The following AGBL1 variants were observed in gnomAD, a reference collection of about 807,000 sequenced individuals.
The protein encoded by AGBL1 is AGBL carboxypeptidase 1.
AGBL1 carries 130 observed loss-of-function variants against 118.9 expected under a neutral mutation model. The observed-to-expected ratio is 1.09, with a 90% CI of 0.95 to 1.26. The LOEUF (loss-of-function observed/expected upper bound fraction) is 1.26. Among genes scored for constraint, AGBL1 ranks in the 50% most tolerant of loss-of-function variants. The pLI is 0.00. For synonymous variants in AGBL1, 555 were observed against 478.9 expected, an observed-to-expected ratio of 1.16 and a Z score of -2.08; for missense variants, 1,584 against 1,298.1, an observed-to-expected ratio of 1.22 and a Z score of -3.38.
chr15:86,470,690 T>C (rs1260523074), intron 18 of AGBL1, among the ~76,000 whole-genome samples: 2 of 152,188 alleles, frequency 1.3e-5, no homozygotes, highest in African/African-American at 4.8e-5. Context: ...TCCCATTTAT[T>C]TGTGTCGTCT....
chr15:86,108,814 AG>A (rs1897198760), intron 1 of AGBL1, among the ~76,000 whole-genome samples: 1 of 152,070 alleles, frequency 6.6e-6, no homozygotes, highest in Non-Finnish European at 1.5e-5. Flanking sequence ...AAAATTAGCC[AG>A]GCGTGGTGGC....
intron 22 of AGBL1, among the ~76,000 whole-genome samples, chr15:86,796,061 C>T (rs1479286458): frequency 1.3e-5 from 2 of 152,062 alleles, no homozygotes; most frequent in African/African-American, 4.8e-5. Context: ...GTTTTACCAA[C>T]TCTATGAGGC....
chr15:86,490,083 C>T (rs1212184274), intron 18 of AGBL1, among the ~76,000 whole-genome samples: 1 of 152,050 alleles, frequency 6.6e-6, no homozygotes, highest in Non-Finnish European at 1.5e-5. Flanking sequence ...TAAAGTGCTT[C>T]GGAGGGCCCA....
chr15:86,375,173 C>A (rs555379283), intron 17 of AGBL1, among the ~76,000 whole-genome samples: 1 of 152,226 alleles, frequency 6.6e-6, no homozygotes, highest in East Asian at 1.9e-4. Context: ...GCTGTATTAG[C>A]CATTCTCACA....
chr15:86,769,033 C>T (rs1040209495), intron 22 of AGBL1, among the ~76,000 whole-genome samples: 2 of 151,912 alleles, frequency 1.3e-5, no homozygotes, highest in African/African-American at 4.8e-5. Flanking sequence ...CAAAAGCAGT[C>T]GCCAAAGGAG....
intron 5 of AGBL1, among the ~76,000 whole-genome samples, chr15:86,209,423 G>A (rs1203322346): frequency 2.0e-5 from 3 of 152,160 alleles, no homozygotes; most frequent in African/African-American, 7.2e-5. Flanking sequence ...GAGTGTTAAA[G>A]TCTCCCATTA....
intron 22 of AGBL1, among the ~76,000 whole-genome samples, chr15:86,741,347 T>G (rs893190414): frequency 9.2e-6 from 1 of 108,774 alleles, no homozygotes; most frequent in Non-Finnish European, 1.7e-5. Flanking sequence ...AAAGAGAATT[T>G]CCTAGCCCAA....
downstream of AGBL1, among the ~76,000 whole-genome samples, chr15:86,916,397 A>G (rs78861976): frequency 8.1e-3 from 1,237 of 152,180 alleles, 17 homozygotes; most frequent in African/African-American, 0.028. Flanking sequence ...AGGAGTTCCT[A>G]TTGATGTCCT....
chr15:86,961,791 G>A (rs1208594622), intron 23 of AGBL1, among the ~76,000 whole-genome samples: 1 of 152,066 alleles, frequency 6.6e-6, no homozygotes, highest in Non-Finnish European at 1.5e-5. Flanking sequence ...ACATTCAGGT[G>A]CATCTGCCAT....
Position 86,913,878 on chromosome 15 carries a change from CTAAAAG to C in AGBL1, c.*6589_*6594del, listed in dbSNP as rs2080385006. 2.0e-5 allele frequency: 3 copies of C among 152,118 alleles called. No homozygotes were observed. In the South Asian group the frequency reaches 6.2e-4, roughly 32 times the overall value. The allele number at this position is 152,118 out of a possible 1,614,324, so 9.4% of individuals were successfully genotyped here. A position where few individuals can be genotyped will look rare whatever the true frequency, so the allele number is the denominator to read the frequency against. On this transcript the variant is annotated 3_prime_UTR_variant, in exon 23 of 23. Transcript: ENST00000614907. ...GGCAGAGTGAGACCCTGTACTCTGT[CTAAAAG>C]TAAATAAAAAGGCTGAAGCAAAGAT... is the stretch of plus-strand genomic sequence containing the variant.
intron 3 of AGBL1, among the ~76,000 whole-genome samples, chr15:86,151,269 G>A (rs1238621046): frequency 2.0e-5 from 3 of 148,058 alleles, no homozygotes; most frequent in Non-Finnish European, 4.4e-5. Flanking sequence ...GCTGCACATT[G>A]TGCACAAGTA....
intron 21 of AGBL1, among the ~76,000 whole-genome samples, chr15:86,643,255 C>T (rs890113160): frequency 1.3e-5 from 2 of 152,150 alleles, no homozygotes; most frequent in African/African-American, 2.4e-5. Flanking sequence ...TATCTAGTCA[C>T]ATACTTTTTC....
chr15:86,763,202 A>G (rs2078050649), intron 22 of AGBL1, among the ~76,000 whole-genome samples: 1 of 152,038 alleles, frequency 6.6e-6, no homozygotes, highest in Admixed American at 6.6e-5. Context: ...ATAGATATGT[A>G]TTGACTGTAA....
intron 21 of AGBL1, among the ~76,000 whole-genome samples, chr15:86,604,165 G>A (rs1426409507): frequency 2.6e-5 from 4 of 151,908 alleles, no homozygotes; most frequent in African/African-American, 7.3e-5. Flanking sequence ...GTTTTTCTTA[G>A]GGGAGCAACA....
In AGBL1 at chr15:87,028,822, CAG is replaced by C. The variant is rs776827249; in HGVS notation, c.3324_3325del. 1 of 1,605,814 alleles carries C rather than the reference CAG, an allele frequency of 6.2e-7. No homozygotes were observed. Among genetic ancestry groups the C allele is most frequent in the East Asian group, 2.2e-5 (1 of 44,698 alleles). The stretch of plus-strand genomic sequence containing the variant: ...AATTAATATATTTCTTATTCCTTCT[CAG>C]AGTTTGTGACACTTGATGAGGCTCC... On this transcript the variant is annotated splice_acceptor_variant, in intron 24 of 24. Coordinates refer to the AGBL1 transcript ENST00000441037. LOFTEE classifies it high-confidence loss of function.
intron 22 of AGBL1, among the ~76,000 whole-genome samples, chr15:86,676,032 C>T (rs765513922): frequency 6.6e-6 from 1 of 152,150 alleles, no homozygotes; most frequent in African/African-American, 2.4e-5. Context: ...TATTTGCCTC[C>T]ACCCTTCCAC....
intron 22 of AGBL1, among the ~76,000 whole-genome samples, chr15:86,770,728 A>G (rs1163399286): frequency 2.0e-5 from 3 of 151,964 alleles, no homozygotes; most frequent in African/African-American, 7.2e-5. Context: ...GGGCTGGGGC[A>G]TGGAGCATTG....
At chr15:86,384,473 A>G (rs1457516085) in intron 17 of AGBL1, among the ~76,000 whole-genome samples, 1 of 152,170 alleles carries the variant, frequency 6.6e-6, no homozygotes, top group Non-Finnish European at 1.5e-5. Context: ...TTCTGTGTGT[A>G]GTAAATTTCT....
At chr15:86,433,263 C>CTTTTTTT (rs1292975189) in intron 18 of AGBL1, among the ~76,000 whole-genome samples, 9 of 54,932 alleles carry the variant, frequency 1.6e-4, no homozygotes, top group East Asian at 1.0e-3. Context: ...CCTCCTCCTT[C>CTTTTTTT]TTCTTTTTTT....
Sources: allele counts gnomAD v4.1 joint callset (sites outside exome capture counted in the v4.1 genomes callset), GRCh38; gene constraint gnomAD v4.1.1; transcripts MANE v1.5; gene names NCBI Gene and HGNC (gene_info 2026-07-23, HGNC 2026-07-21).